NAALADL2: variants seen among roughly 807,000 people sequenced by gnomAD.
NAALADL2 encodes inactive N-acetylated-alpha-linked acidic dipeptidase-like protein 2.
In NAALADL2, 76 loss-of-function variants were observed where a neutral mutation model predicts 87.2. That is an observed-to-expected ratio of 0.87 (90% confidence interval 0.72 to 1.05). The LOEUF is 1.05. NAALADL2 is among the 50% of genes least tolerant of loss of function. The pLI is 0.00. For synonymous variants in NAALADL2, 354 were observed against 331.0 expected (o/e 1.07, Z -0.75); for missense variants, 1,089 against 945.8 (o/e 1.15, Z -1.99).
chr3:174,908,993 A>C (rs1441799345), intron 1 of NAALADL2, among the ~76,000 whole-genome samples: 2 of 149,424 alleles, frequency 1.3e-5, no homozygotes, highest in Admixed American at 1.3e-4. Flanking sequence ...GCATGTCCTT[A>C]GTTTATCATA....
Position 174,672,449 on chromosome 3 carries a change from T to C in NAALADL2, c.-114-65192T>C, listed in dbSNP as rs188883904. Among the ~76,000 whole-genome samples, 472 of 120,264 alleles carry C rather than the reference T, an allele frequency of 3.9e-3. 6 individuals are homozygous for C. Among genetic ancestry groups the C allele is most frequent in the African/African-American group, 0.013 (459 of 35,570 alleles). 78.9% of individuals were successfully genotyped at this position (120,264 alleles called of 152,430 possible). A position where few individuals can be genotyped will look rare whatever the true frequency, so the allele number is the denominator to read the frequency against. ...TATTCTATCATATGGAAATAGAACA[T>C]TGAGCAAATCAGATAAAAATTCTGA... On this transcript the variant is annotated intron_variant, in intron 2 of 3. Transcript: ENST00000434257.
intron 2 of NAALADL2, among the ~76,000 whole-genome samples, chr3:175,146,187 T>C (rs1322918332): frequency 6.6e-6 from 1 of 152,116 alleles, no homozygotes; most frequent in African/African-American, 2.4e-5. Flanking sequence ...GTGTGTCTGT[T>C]GACTCTTACA....
upstream of NAALADL2, among the ~76,000 whole-genome samples, chr3:174,858,001 G>A (rs1726043825): frequency 6.6e-6 from 1 of 151,244 alleles, no homozygotes; most frequent in South Asian, 2.1e-4. Context: ...ATAATATATA[G>A]ATTTTTTCAA....
chr3:175,607,987 A>ATTTATTATAAGCAGTTTAT (rs1724024185), intron 10 of NAALADL2, among the ~76,000 whole-genome samples: 1 of 151,514 alleles, frequency 6.6e-6, no homozygotes, highest in African/African-American at 2.4e-5. Context: ...TTAACTAAAA[A>ATTTATTATAAGCAGTTTAT]CTCAAGGGCA....
intron 5 of NAALADL2, among the ~76,000 whole-genome samples, chr3:175,366,415 AT>A (rs1242439457): frequency 6.6e-6 from 1 of 151,776 alleles, no homozygotes; most frequent in African/African-American, 2.4e-5. Context: ...CTAGTTCTAG[AT>A]CCCTGAGAAA....
At chr3:175,366,934 C>T (rs1490755056) in intron 5 of NAALADL2, among the ~76,000 whole-genome samples, 1 of 151,570 alleles carries the variant, frequency 6.6e-6, no homozygotes, top group Non-Finnish European at 1.5e-5. Flanking sequence ...AGTCCTTGCC[C>T]ATGCCTATGT....
chr3:175,109,744 C>G (rs570887976), intron 2 of NAALADL2, among the ~76,000 whole-genome samples: 2 of 151,668 alleles, frequency 1.3e-5, no homozygotes. Context: ...AGAGCCTGCC[C>G]CACCTCTTAA....
chr3:174,467,597 A>T (rs911662003), intron 1 of NAALADL2, among the ~76,000 whole-genome samples: 3 of 31,338 alleles, frequency 9.6e-5, no homozygotes, highest in South Asian at 1.9e-3. Flanking sequence ...CATCTCAGTT[A>T]AAAAAAAAAA....
intron 2 of NAALADL2, among the ~76,000 whole-genome samples, chr3:175,116,168 G>T (rs555128206): frequency 1.3e-5 from 2 of 152,002 alleles, no homozygotes; most frequent in East Asian, 1.9e-4. Context: ...TTTGAAAACT[G>T]GCACAAGACA....
chr3:175,537,567 A>T (rs1239248707), intron 9 of NAALADL2, among the ~76,000 whole-genome samples: 1 of 152,204 alleles, frequency 6.6e-6, no homozygotes, highest in Non-Finnish European at 1.5e-5. Context: ...AGTACCATAT[A>T]ACCACATCAA....
At chr3:175,432,459 A>C (rs2149166648) in intron 5 of NAALADL2, among the ~76,000 whole-genome samples, 1 of 152,136 alleles carries the variant, frequency 6.6e-6, no homozygotes, top group Admixed American at 6.6e-5. Flanking sequence ...CAGTTTTCTT[A>C]ATTTAATATA....
intron 1 of NAALADL2, among the ~76,000 whole-genome samples, chr3:175,018,461 G>A (rs1343120918): frequency 6.6e-6 from 1 of 151,906 alleles, no homozygotes; most frequent in African/African-American, 2.4e-5. Flanking sequence ...ATGTTTATAA[G>A]TGTCAGAAAA....
chr3:175,526,674 G>A (rs531097389), intron 9 of NAALADL2, among the ~76,000 whole-genome samples: 1 of 152,152 alleles, frequency 6.6e-6, no homozygotes, highest in East Asian at 1.9e-4. Flanking sequence ...TTCTCTGCTA[G>A]GCAGAAGCTT....
intron 2 of NAALADL2, among the ~76,000 whole-genome samples, chr3:174,599,764 T>C (rs1231092640): frequency 6.6e-6 from 1 of 152,170 alleles, no homozygotes; most frequent in Non-Finnish European, 1.5e-5. Context: ...AACAGAACTA[T>C]GTATGATAAT....
At chr3:175,323,092 T>G (rs1372628500) in intron 4 of NAALADL2, among the ~76,000 whole-genome samples, 4 of 147,080 alleles carry the variant, frequency 2.7e-5, no homozygotes, top group Non-Finnish European at 6.0e-5. Context: ...CCAACCCAAA[T>G]GTCCAACAAT....
At chr3:175,094,191 G>T (rs1432080141) in intron 1 of NAALADL2, among the ~76,000 whole-genome samples, 1 of 151,774 alleles carries the variant, frequency 6.6e-6, no homozygotes, top group Non-Finnish European at 1.5e-5. Flanking sequence ...CTAGAGAACT[G>T]CATGGAAAAA....
intron 5 of NAALADL2, among the ~76,000 whole-genome samples, chr3:175,343,677 C>CTTTTTTTTTTTTTT (rs1560398617): frequency 1.3e-5 from 1 of 78,882 alleles, no homozygotes; most frequent in South Asian, 5.2e-4. Context: ...TTTTTTTTTT[C>CTTTTTTTTTTTTTT]CCTTCCCACT....
At chr3:175,798,021 C>T (rs1576864285) in intron 13 of NAALADL2, among the ~76,000 whole-genome samples, 2 of 151,978 alleles carry the variant, frequency 1.3e-5, no homozygotes, top group Middle Eastern at 6.8e-3. Flanking sequence ...TAATATAATG[C>T]TATATTTTCA....
chr3:175,456,586 G>C (rs1722354722), intron 6 of NAALADL2, among the ~76,000 whole-genome samples: 1 of 151,872 alleles, frequency 6.6e-6, no homozygotes, highest in Non-Finnish European at 1.5e-5. Flanking sequence ...TGTACAGAAA[G>C]TTGCAATAGT....
Sources: allele counts gnomAD v4.1 joint callset (sites outside exome capture counted in the v4.1 genomes callset), GRCh38; gene constraint gnomAD v4.1.1; transcripts MANE v1.5; gene names NCBI Gene and HGNC (gene_info 2026-07-23, HGNC 2026-07-21).